The following FRA10AC1 variants were observed in gnomAD, a reference collection of about 807,000 sequenced individuals.
FRA10AC1 encodes FRA10A associated CGG repeat 1.
Under a neutral mutation model 56.5 loss-of-function variants are expected in FRA10AC1, and 43 were observed. The ratio of observed to expected loss-of-function variants is 0.76; its 90% CI spans 0.60 to 0.98. FRA10AC1 has a LOEUF of 0.98. FRA10AC1 is among the 50% of genes least tolerant of loss of function. The pLI, the probability that FRA10AC1 is intolerant of heterozygous loss-of-function variation, is 0.00. For missense variants in FRA10AC1, 346 were observed against 351.8 expected, an observed-to-expected ratio of 0.98 and a Z score of 0.13; for synonymous variants, 112 against 110.5, an observed-to-expected ratio of 1.01 and a Z score of -0.09.
At position 93,669,185 on chromosome 10, in the gene FRA10AC1, T is replaced by A. The variant is rs559471440; in HGVS notation, c.*641A>T. 1 of 152,104 alleles carries A rather than the reference T, an allele frequency of 6.6e-6. No individual in the cohort carries two copies. The highest frequency in any genetic ancestry group is 2.4e-5 in the African/African-American group (1 of 41,398). 9.4% of individuals were successfully genotyped at this position (152,104 alleles called of 1,614,324 possible). A position where few individuals can be genotyped will look rare whatever the true frequency, so the allele number is the denominator to read the frequency against. ...AAAAGCAGCTGGAAATAGGTGGTAA[T>A]GGGAGAGCAGGTACTTAAAAGAAGG... On this transcript the variant is annotated 3_prime_UTR_variant, in exon 14 of 14. Transcript: ENST00000359204.
chr10:93,678,988 G>A (rs1478067784), intron 11 of FRA10AC1, among the ~76,000 whole-genome samples: 1 of 152,114 alleles, frequency 6.6e-6, no homozygotes, highest in African/African-American at 2.4e-5. Context: ...AAATTAAGGT[G>A]GTCTGGCAAG....
intron 8 of FRA10AC1, 107 bp downstream of exon 8, chr10:93,687,297 T>C: frequency 2.3e-6 from 2 of 868,056 alleles, no homozygotes; most frequent in South Asian, 3.6e-5. Context: ...TTTACTTTTG[T>C]AGCTAATAAT....
chr10:93,691,880 T>C (rs1468690113), intron 7 of FRA10AC1, 129 bp downstream of exon 7: 3 of 993,764 alleles, frequency 3.0e-6, no homozygotes, highest in Middle Eastern at 2.5e-4. Context: ...AAATGACACA[T>C]CATAAACGCA....
chr10:93,702,163 C>T (rs2059345107), intron 1 of FRA10AC1, among the ~76,000 whole-genome samples: 3 of 151,548 alleles, frequency 2.0e-5, no homozygotes. Context: ...AACTAAAAAG[C>T]TCTCACTCAC....
At chr10:93,679,138 A>G (rs569484522) in intron 11 of FRA10AC1, among the ~76,000 whole-genome samples, 2 of 152,286 alleles carry the variant, frequency 1.3e-5, no homozygotes, top group Non-Finnish European at 2.9e-5. Context: ...TAAAAAAGCT[A>G]TATTTCTAGA....
At chr10:93,681,050 T>C (rs1478442308) in intron 11 of FRA10AC1, among the ~76,000 whole-genome samples, 1 of 152,188 alleles carries the variant, frequency 6.6e-6, no homozygotes, top group Non-Finnish European at 1.5e-5. Context: ...TATTGATTTA[T>C]AGATTATAGA....
Position 93,695,000 on chromosome 10 carries a change from C to T in FRA10AC1, c.220-63G>A, listed in dbSNP as rs539607804. The T allele has an allele frequency of 4.0e-4, 335 of 835,006 alleles. 3 individuals carry two copies. The African/African-American group carries it at 5.5e-3, about 14-fold the overall frequency. The allele number at this position is 835,006 out of a possible 1,614,324, so 51.7% of individuals were successfully genotyped here. On this transcript the variant is annotated intron_variant, in intron 4 of 13. Transcript: ENST00000359204. ...AGCTGTTTGGTGTCATAATATATTG[C>T]TGATTGGTGGTAAAAAAAAGCACAA...
At chr10:93,692,314 T>A (rs2059137252) in intron 6 of FRA10AC1, among the ~76,000 whole-genome samples, 1 of 152,188 alleles carries the variant, frequency 6.6e-6, no homozygotes, top group South Asian at 2.1e-4. Context: ...GAATCACTCT[T>A]CACTGTTTAC....
chr10:93,701,801 G>T (rs1329038194), intron 1 of FRA10AC1, among the ~76,000 whole-genome samples: 1 of 152,016 alleles, frequency 6.6e-6, no homozygotes, highest in Non-Finnish European at 1.5e-5. Context: ...GACAGCTGTA[G>T]TGTGTTTAGA....
At chr10:93,702,632 C>T (rs958145871), upstream of FRA10AC1, 5 of 194,392 alleles carry the variant, frequency 2.6e-5, no homozygotes, top group Non-Finnish European at 4.2e-5. Context: ...ATGGCACCGT[C>T]CCCCGAGTGC....
chr10:93,672,133 T>A (rs757710772), intron 12 of FRA10AC1: 3 of 419,918 alleles, frequency 7.1e-6, no homozygotes, highest in Non-Finnish European at 1.4e-5. Flanking sequence ...ATACAGAATG[T>A]CCTTTAGTTA....
chr10:93,684,533 A>C (rs1287317693), intron 9 of FRA10AC1, among the ~76,000 whole-genome samples: 1 of 145,890 alleles, frequency 6.9e-6, no homozygotes, highest in Non-Finnish European at 1.5e-5. Context: ...CTCAGTTCAC[A>C]CTGGCTGACT....
rs369506364 is a variant in FRA10AC1 at position 93,694,834 on chromosome 10, C to T, written c.296+27G>A. ...TAAAGTTTCCCATAACCCACATTCCCTTCTATGTAAACTTCCTGATACTTA... is the reference window on the plus strand; with the variant it reads ...TAAAGTTTCCCATAACCCACATTCCTTTCTATGTAAACTTCCTGATACTTA... On this transcript the variant is annotated intron_variant, in intron 5 of 13. Coordinates refer to ENST00000359204, the MANE Select transcript of FRA10AC1 (RefSeq NM_145246.5). 2.4e-4 allele frequency: 323 copies of T among 1,369,974 alleles called. 3 individuals are homozygous for T. In the South Asian group the frequency reaches 2.6e-3, roughly 11 times the overall value. The allele number at this position is 1,369,974 out of a possible 1,614,324, so 84.9% of individuals were successfully genotyped here.
rs2058846747 is a variant in FRA10AC1 at position 93,676,694 on chromosome 10, G to A, written c.788-3C>T. On this transcript the variant is annotated splice_region_variant and splice_polypyrimidine_tract_variant and intron_variant, in intron 11 of 13. Transcript: ENST00000359204. ...AGATTTCTTTGAAGATGAATGTCCT[G>A]AAAAGGAAACATCATTGATTTATTA... 6 of 1,568,404 alleles carry A rather than the reference G, an allele frequency of 3.8e-6. No homozygotes were observed. The highest frequency in any genetic ancestry group is 5.2e-6 in the Non-Finnish European group (6 of 1,161,636).
intron 2 of FRA10AC1, 149 bp downstream of exon 2, chr10:93,699,881 A>G (rs1318351457): frequency 2.3e-5 from 12 of 519,480 alleles, no homozygotes; most frequent in Non-Finnish European, 4.0e-5. Flanking sequence ...TTTTTAATCA[A>G]TGTATTAGCT....
In FRA10AC1 at chr10:93,669,792, T is replaced by C; in HGVS notation, c.*34A>G. 1 of 1,440,770 alleles carries C rather than the reference T, an allele frequency of 6.9e-7. No homozygotes were observed. The highest frequency in any genetic ancestry group is 9.6e-7 in the Non-Finnish European group (1 of 1,044,918). 89.2% of individuals were successfully genotyped at this position (1,440,770 alleles called of 1,614,324 possible). On this transcript the variant is annotated 3_prime_UTR_variant, in exon 14 of 14. Coordinates refer to ENST00000359204, the MANE Select transcript of FRA10AC1 (RefSeq NM_145246.5). ...ATGAAGTTTAAAACTTCATGAAGTT[T>C]CACATTAAGGAGCGGAGGCTTCTCT...
At chr10:93,687,106 C>CT (rs546568450) in intron 8 of FRA10AC1, among the ~76,000 whole-genome samples, 4 of 151,784 alleles carry the variant, frequency 2.6e-5, no homozygotes, top group Non-Finnish European at 5.9e-5. Flanking sequence ...ATAAACCTTT[C>CT]TTTTTTGTTG....
At chr10:93,694,746 G>T in intron 5 of FRA10AC1, 115 bp downstream of exon 5, 1 of 361,844 alleles carries the variant, frequency 2.8e-6, no homozygotes, top group Non-Finnish European at 5.0e-6. Context: ...AAAAAAAAAG[G>T]CACACCGGAA....
chr10:93,671,657 T>C (rs908364048), intron 12 of FRA10AC1: 3 of 212,720 alleles, frequency 1.4e-5, no homozygotes, highest in Admixed American at 6.1e-5. Context: ...TATCTGTATG[T>C]ACTGCAATAG....
Sources: gnomAD v4.1 joint callset for allele counts (sites outside exome capture counted in the v4.1 genomes callset) on GRCh38, gnomAD v4.1.1 for gene constraint, MANE v1.5 for transcripts, NCBI Gene and HGNC (gene_info 2026-07-23, HGNC 2026-07-21) for gene names.